The following GALNT13 variants were observed in gnomAD, a reference collection of about 807,000 sequenced individuals.
GALNT13 encodes the protein polypeptide N-acetylgalactosaminyltransferase 13.
Under a neutral mutation model 64.2 loss-of-function variants are expected in GALNT13, and 28 were observed. The ratio of observed to expected loss-of-function variants is 0.44; its 90% CI spans 0.32 to 0.60. GALNT13 has a LOEUF of 0.60. Among genes scored for constraint, GALNT13 ranks in the 20% least tolerant of loss-of-function variants. The pLI, the probability that GALNT13 is intolerant of heterozygous loss-of-function variation, is 0.05. For synonymous variants in GALNT13, 214 were observed against 224.6 expected (o/e 0.95, Z 0.42); for missense variants, 577 against 669.8 (o/e 0.86, Z 1.53).
chr2:153,393,418 C>T, the GALNT13 span, among the ~76,000 whole-genome samples: 1 of 152,160 alleles, frequency 6.6e-6, no homozygotes, highest in Non-Finnish European at 1.5e-5. Context: ...ATTTTACTTG[C>T]TTCCTAAGAA....
chr2:153,917,176 G>T (rs1689416539), intron 2 of GALNT13, among the ~76,000 whole-genome samples: 2 of 151,284 alleles, frequency 1.3e-5, no homozygotes, highest in African/African-American at 4.9e-5. Flanking sequence ...AAATATCCTT[G>T]TCTCTGTTTG....
intron 9 of GALNT13, among the ~76,000 whole-genome samples, chr2:154,312,626 A>G (rs182246980): frequency 2.0e-5 from 3 of 152,352 alleles, no homozygotes; most frequent in East Asian, 1.9e-4. Flanking sequence ...AGTAAAGTCT[A>G]TCTTAGCCTT....
the GALNT13 span, among the ~76,000 whole-genome samples, chr2:153,347,613 CAGTT>C: frequency 2.0e-5 from 3 of 152,260 alleles, no homozygotes; most frequent in African/African-American, 7.2e-5. Context: ...GAATCCATCA[CAGTT>C]AGGTAGGATG....
intron 3 of GALNT13, among the ~76,000 whole-genome samples, chr2:154,036,986 C>G (rs969515500): frequency 6.6e-6 from 1 of 152,022 alleles, no homozygotes; most frequent in Non-Finnish European, 1.5e-5. Flanking sequence ...ATAAAAGTGC[C>G]TAATAAACAA....
intron 4 of GALNT13, among the ~76,000 whole-genome samples, chr2:154,172,201 A>G (rs757889411): frequency 6.6e-6 from 1 of 152,072 alleles, no homozygotes; most frequent in Non-Finnish European, 1.5e-5. Context: ...ATAGATGTAC[A>G]TAGTTTGAGG....
chr2:153,930,262 C>T (rs1477738563), intron 2 of GALNT13, among the ~76,000 whole-genome samples: 2 of 152,062 alleles, frequency 1.3e-5, no homozygotes, highest in African/African-American at 2.4e-5. Context: ...GCATAGTTTG[C>T]AGATACGTTC....
At chr2:153,965,447 A>G (rs567967164) in intron 3 of GALNT13, among the ~76,000 whole-genome samples, 1 of 152,050 alleles carries the variant, frequency 6.6e-6, no homozygotes, top group Non-Finnish European at 1.5e-5. Context: ...AAAATTTAAT[A>G]CTTGTTTTTC....
chr2:153,593,063 T>C, the GALNT13 span: 1 of 152,320 alleles, frequency 6.6e-6, no homozygotes, highest in Non-Finnish European at 1.5e-5. Flanking sequence ...CAATTTGAAC[T>C]GGGTGAGAAC....
the GALNT13 span, among the ~76,000 whole-genome samples, chr2:153,200,825 C>A: frequency 6.6e-6 from 1 of 152,150 alleles, no homozygotes; most frequent in African/African-American, 2.4e-5. Flanking sequence ...AGGGAAAGAT[C>A]AGCACAAGGG....
the GALNT13 span, among the ~76,000 whole-genome samples, chr2:153,236,855 A>G: frequency 2.0e-5 from 3 of 152,100 alleles, no homozygotes; most frequent in Non-Finnish European, 4.4e-5. Flanking sequence ...TCATAAGGCT[A>G]TAGGTATAAT....
At chr2:153,781,622 A>AT in the GALNT13 span, among the ~76,000 whole-genome samples, 1 of 152,184 alleles carries the variant, frequency 6.6e-6, no homozygotes, top group East Asian at 1.9e-4. Flanking sequence ...TACACAAAAT[A>AT]TTTTTTATGT....
chr2:154,010,120 T>C (rs1290757974), intron 3 of GALNT13, among the ~76,000 whole-genome samples: 1 of 152,192 alleles, frequency 6.6e-6, no homozygotes. Flanking sequence ...GAGATGGCTT[T>C]ACCTCCTCTT....
chr2:153,537,158 G>T, the GALNT13 span, among the ~76,000 whole-genome samples: 2 of 152,216 alleles, frequency 1.3e-5, no homozygotes, highest in African/African-American at 4.8e-5. Context: ...GGAGCCACAG[G>T]TAGTTCTCTC....
intron 11 of GALNT13, among the ~76,000 whole-genome samples, chr2:154,422,615 A>G (rs1329256693): frequency 2.0e-5 from 3 of 152,224 alleles, no homozygotes; most frequent in African/African-American, 4.8e-5. Flanking sequence ...AAGGTTTGGA[A>G]TATTCATTTT....
the GALNT13 span, among the ~76,000 whole-genome samples, chr2:153,694,451 A>C: frequency 6.6e-6 from 1 of 152,228 alleles, no homozygotes; most frequent in Non-Finnish European, 1.5e-5. Context: ...AACTAGTACT[A>C]TACATAATAA....
At chr2:153,371,713 G>A in the GALNT13 span, among the ~76,000 whole-genome samples, 19 of 152,122 alleles carry the variant, frequency 1.2e-4, 1 homozygote, top group Non-Finnish European at 2.8e-4. Flanking sequence ...TAAAATGTCA[G>A]TTATCCTTAA....
At chr2:153,696,363 G>C in the GALNT13 span, among the ~76,000 whole-genome samples, 1 of 152,068 alleles carries the variant, frequency 6.6e-6, no homozygotes, top group African/African-American at 2.4e-5. Context: ...CTGATTAGAT[G>C]GTGCCCACCT....
At chr2:153,843,056 TA>T in the GALNT13 span, among the ~76,000 whole-genome samples, 1 of 79,448 alleles carries the variant, frequency 1.3e-5, no homozygotes, top group Non-Finnish European at 3.5e-5. Flanking sequence ...TACTGAAGCA[TA>T]GGGGATTAAA....
chr2:153,997,796 C>T (rs1394605940), intron 3 of GALNT13, among the ~76,000 whole-genome samples: 2 of 152,036 alleles, frequency 1.3e-5, no homozygotes, highest in Non-Finnish European at 2.9e-5. Flanking sequence ...CTTCCCTAGC[C>T]CCCGAGCCCC....
Sources: allele counts gnomAD v4.1 joint callset (sites outside exome capture counted in the v4.1 genomes callset), GRCh38; gene constraint gnomAD v4.1.1; transcripts MANE v1.5; gene names NCBI Gene and HGNC (gene_info 2026-07-23, HGNC 2026-07-21).